The following PDE1C variants were observed in gnomAD, a reference collection of about 807,000 sequenced individuals.
PDE1C encodes the protein dual specificity calcium/calmodulin-dependent 3',5'-cyclic nucleotide phosphodiesterase 1C.
Under a neutral mutation model 93.1 loss-of-function variants are expected in PDE1C, and 62 were observed. The observed-to-expected ratio is 0.67, with a 90% CI of 0.54 to 0.82. PDE1C has a LOEUF of 0.82. Ranked by LOEUF, PDE1C falls within the 40% of genes least tolerant of loss-of-function variation. The pLI is 0.00. For synonymous variants in PDE1C, 325 were observed against 310.1 expected, an observed-to-expected ratio of 1.05 and a Z score of -0.50; for missense variants, 742 against 884.6, an observed-to-expected ratio of 0.84 and a Z score of 2.04.
At chr7:32,187,068 T>C (rs1803930450) in intron 2 of PDE1C, among the ~76,000 whole-genome samples, 1 of 152,220 alleles carries the variant, frequency 6.6e-6, no homozygotes, top group African/African-American at 2.4e-5. Context: ...CTTGAAACAA[T>C]ATATAGCTGT....
At chr7:32,321,374 C>A (rs751045238) in intron 1 of PDE1C, among the ~76,000 whole-genome samples, 5 of 152,158 alleles carry the variant, frequency 3.3e-5, no homozygotes, top group Admixed American at 6.5e-5. Context: ...GGGTTGGAAT[C>A]TCTAAACCAT....
chr7:32,069,759 T>C (rs566261972), intron 1 of PDE1C, among the ~76,000 whole-genome samples: 3 of 152,284 alleles, frequency 2.0e-5, no homozygotes, highest in Middle Eastern at 3.4e-3. Context: ...ACAAGAGCCT[T>C]TCCTTCTAGT....
chr7:31,700,346 G>A, the PDE1C span, among the ~76,000 whole-genome samples: 3 of 152,260 alleles, frequency 2.0e-5, no homozygotes, highest in East Asian at 5.8e-4. Context: ...TTAAGCCAAA[G>A]CCTAATCCAG....
intron 1 of PDE1C, among the ~76,000 whole-genome samples, chr7:32,268,996 A>G (rs1001925399): frequency 1.8e-4 from 27 of 152,220 alleles, no homozygotes; most frequent in African/African-American, 6.5e-4. Flanking sequence ...CTTTACCATG[A>G]GACCTGAAAG....
intron 2 of PDE1C, among the ~76,000 whole-genome samples, chr7:32,037,000 AAGAC>A (rs1280706205): frequency 2.6e-5 from 4 of 152,194 alleles, no homozygotes; most frequent in African/African-American, 9.6e-5. Flanking sequence ...TCTTCCTACA[AAGAC>A]AGACAGATCT....
chr7:31,814,937 C>A (rs1788042769), intron 15 of PDE1C, among the ~76,000 whole-genome samples: 1 of 151,828 alleles, frequency 6.6e-6, no homozygotes, highest in South Asian at 2.1e-4. Context: ...CAGCCACAAC[C>A]TGTCAATTGC....
At chr7:31,861,626 C>T (rs1794712558) in intron 7 of PDE1C, among the ~76,000 whole-genome samples, 1 of 152,054 alleles carries the variant, frequency 6.6e-6, no homozygotes, top group South Asian at 2.1e-4. Flanking sequence ...TCTCGATTCC[C>T]CTCTTTAATG....
In PDE1C at chr7:31,960,118, A is replaced by G. The variant is rs150255234; in HGVS notation, c.129-79258T>C. Among the ~76,000 whole-genome samples, 216 of 151,940 alleles carry G rather than the reference A, an allele frequency of 1.4e-3. 1 individual carries two copies. Among genetic ancestry groups the G allele is most frequent in the African/African-American group, 5.0e-3 (208 of 41,456 alleles). ...TTGAATCCTTGACCTCAGGTGATCCACCCACCTTGACCTCCCAAAGTGCTG... is the reference window on the plus strand; with the variant it reads ...TTGAATCCTTGACCTCAGGTGATCCGCCCACCTTGACCTCCCAAAGTGCTG... On this transcript the variant is annotated intron_variant, in intron 2 of 17. Coordinates refer to ENST00000396191, the MANE Select transcript of PDE1C (RefSeq NM_001191057.4).
chr7:31,928,627 T>C (rs1005792312), intron 2 of PDE1C, among the ~76,000 whole-genome samples: 1 of 152,158 alleles, frequency 6.6e-6, no homozygotes, highest in Admixed American at 6.5e-5. Context: ...GGGGCCAATA[T>C]TCAACATTCT....
At chr7:31,900,577 G>A (rs1356436467) in intron 2 of PDE1C, among the ~76,000 whole-genome samples, 1 of 151,322 alleles carries the variant, frequency 6.6e-6, no homozygotes, top group Non-Finnish European at 1.5e-5. Context: ...CAAAACAGCT[G>A]TCAAAAATGT....
chr7:32,161,407 T>C (rs1193364170), intron 3 of PDE1C, among the ~76,000 whole-genome samples: 1 of 152,184 alleles, frequency 6.6e-6, no homozygotes, highest in East Asian at 1.9e-4. Context: ...TCATAGCTTA[T>C]TGGTGCTACC....
chr7:31,896,032 C>CACAA (rs1272618225), intron 2 of PDE1C, among the ~76,000 whole-genome samples: 1 of 67,652 alleles, frequency 1.5e-5, no homozygotes, highest in African/African-American at 4.4e-5. Flanking sequence ...CACACACAAA[C>CACAA]ACACACACAA....
At chr7:32,108,298 C>T (rs1002517550) in intron 3 of PDE1C, among the ~76,000 whole-genome samples, 2 of 144,278 alleles carry the variant, frequency 1.4e-5, no homozygotes, top group African/African-American at 2.6e-5. Context: ...CAGAAACTAT[C>T]ACATTTACCT....
intron 1 of PDE1C, among the ~76,000 whole-genome samples, chr7:32,374,231 A>G (rs2128088397): frequency 6.8e-6 from 1 of 147,184 alleles, no homozygotes; most frequent in East Asian, 2.0e-4. Flanking sequence ...AAAGAAAGAA[A>G]AAGAAAGAAG....
intron 2 of PDE1C, among the ~76,000 whole-genome samples, chr7:32,204,035 T>C (rs1419091673): frequency 1.3e-5 from 2 of 152,220 alleles, no homozygotes; most frequent in African/African-American, 4.8e-5. Context: ...CACTTTTTAC[T>C]AAGTGCACTT....
At chr7:31,880,035 T>A (rs774889883) in intron 3 of PDE1C, among the ~76,000 whole-genome samples, 1 of 151,904 alleles carries the variant, frequency 6.6e-6, no homozygotes, top group Non-Finnish European at 1.5e-5. Context: ...ATAATAATAA[T>A]AGTAAACCAT....
chr7:32,374,172 A>AAG (rs1784381257), intron 1 of PDE1C, among the ~76,000 whole-genome samples: 1 of 1,724 alleles, frequency 5.8e-4, no homozygotes, highest in Non-Finnish European at 0.015. Flanking sequence ...GAAAGAAAGA[A>AAG]AGAAAGAAAG....
At chr7:31,819,413 A>G (rs3807614) in intron 14 of PDE1C, among the ~76,000 whole-genome samples, 5,622 of 152,294 alleles carry the variant, frequency 0.037, 206 homozygotes, top group Admixed American at 0.13. Context: ...GGACTTGAGA[A>G]CAGTTATTTT....
chr7:32,342,431 A>G (rs1285276070), intron 1 of PDE1C, among the ~76,000 whole-genome samples: 1 of 152,264 alleles, frequency 6.6e-6, no homozygotes, highest in Non-Finnish European at 1.5e-5. Context: ...ATCTTGCTTC[A>G]TATATATAAT....
Sources: gnomAD v4.1 joint callset for allele counts (sites outside exome capture counted in the v4.1 genomes callset) on GRCh38, gnomAD v4.1.1 for gene constraint, MANE v1.5 for transcripts, NCBI Gene and HGNC (gene_info 2026-07-23, HGNC 2026-07-21) for gene names.